Variants in SNX29 observed in about 807,000 individuals in gnomAD.
SNX29 encodes the protein sorting nexin 29.
Under a neutral mutation model 102.1 loss-of-function variants are expected in SNX29, and 78 were observed. The ratio of observed to expected loss-of-function variants is 0.76; its 90% confidence interval spans 0.64 to 0.92. The LOEUF is 0.92. Among genes scored for constraint, SNX29 ranks in the 40% least tolerant of loss-of-function variants. The pLI is 0.00. For synonymous variants in SNX29, 580 were observed against 414.5 expected (o/e 1.40, Z -4.85); for missense variants, 1,280 against 1,061.7 (o/e 1.21, Z -2.86).
In SNX29 at chr16:12,569,122, CGGGGGGGGGG is replaced by C. The variant is rs869133814; in HGVS notation, c.*505_*514del. 362 of 6,138 alleles carry C rather than the reference CGGGGGGGGGG, an allele frequency of 0.059. 9 individuals are homozygous for C. The highest frequency in any genetic ancestry group is 0.26 in the African/African-American group (344 of 1,342). 0.4% of individuals were successfully genotyped at this position (6,138 alleles called of 1,614,324 possible). A position where few individuals can be genotyped will look rare whatever the true frequency, so the allele number is the denominator to read the frequency against. On this transcript the variant is annotated 3_prime_UTR_variant, in exon 21 of 21. Transcript: ENST00000566228. ...CCTAACCTAGGGATGGCTGGCTTTG[CGGGGGGGGGG>C]GGGGGGGGGGGCATGGTTCCTTTCA...
chr16:12,046,289 C>G, intron 5 of SNX29, 95 bp from the exon 6 acceptor site: 1 of 1,223,638 alleles, frequency 8.2e-7, no homozygotes. Context: ...TGACCAGGTG[C>G]AGATCTTCCA....
At position 12,048,553 on chromosome 16, in the gene SNX29, C is replaced by T. The variant is rs752990324; in HGVS notation, c.681C>T (p.Val227=). The T allele has an allele frequency of 6.2e-7, 1 of 1,613,984 alleles. No individual in the cohort carries two copies. The highest frequency in any genetic ancestry group is 1.1e-5 in the South Asian group (1 of 91,080). Residue 227 remains valine, a synonymous_variant, in exon 7 of 21, where the codon GTC becomes GTT. Transcript: ENST00000566228. Reference sequence around the variant, plus strand: ...GGGAGATCACAGCCTCCTCTGCCGTCTCCATCCTCATCAAACCTGAACAGG... The same window carrying T: ...GGGAGATCACAGCCTCCTCTGCCGTTTCCATCCTCATCAAACCTGAACAGG... The part of the protein sequence containing the change: ...LFREITASSA[V]SILIKPEQET...
At chr16:12,230,597 C>T (rs746100569) in intron 14 of SNX29, among the ~76,000 whole-genome samples, 2 of 152,142 alleles carry the variant, frequency 1.3e-5, no homozygotes, top group African/African-American at 2.4e-5. Flanking sequence ...AACAAAGCTG[C>T]AAGTGGACAA....
intron 20 of SNX29, among the ~76,000 whole-genome samples, chr16:12,536,955 G>C (rs141583067): frequency 4.6e-5 from 7 of 152,024 alleles, no homozygotes; most frequent in South Asian, 2.1e-4. Flanking sequence ...CAGCCTAGGC[G>C]ACAGAGTGAG....
chr16:12,507,913 T>C (rs1169000920), intron 19 of SNX29, among the ~76,000 whole-genome samples: 1 of 152,150 alleles, frequency 6.6e-6, no homozygotes, highest in Non-Finnish European at 1.5e-5. Context: ...TCAAGGGCTT[T>C]TAATTGAATG....
At chr16:12,248,686 A>AT (rs1334678501) in intron 14 of SNX29, among the ~76,000 whole-genome samples, 3 of 151,858 alleles carry the variant, frequency 2.0e-5, no homozygotes, top group Admixed American at 6.6e-5. Flanking sequence ...AAGTGCTGGG[A>AT]TTACAGGCAT....
At chr16:12,048,736 C>T (rs950634692) in intron 7 of SNX29, 116 bp downstream of exon 7, 17 of 1,540,606 alleles carry the variant, frequency 1.1e-5, no homozygotes, top group Admixed American at 5.1e-5. Flanking sequence ...AGTGCACTTG[C>T]GTTTTCCATT....
At chr16:12,009,972 G>C (rs1324914066) in intron 3 of SNX29, among the ~76,000 whole-genome samples, 1 of 152,264 alleles carries the variant, frequency 6.6e-6, no homozygotes, top group Admixed American at 6.5e-5. Context: ...AACGGGGGCA[G>C]TGGAATCAGC....
chr16:12,376,489 A>G (rs569343920), intron 16 of SNX29, among the ~76,000 whole-genome samples: 47 of 152,068 alleles, frequency 3.1e-4, no homozygotes, highest in Admixed American at 3.3e-4. Context: ...TAATCTCAAC[A>G]CTTTGGGAGG....
chr16:12,378,147 C>T (rs866412670), intron 16 of SNX29, among the ~76,000 whole-genome samples: 1 of 152,162 alleles, frequency 6.6e-6, no homozygotes, highest in African/African-American at 2.4e-5. Context: ...GAATGCCTGA[C>T]ACTGGGTAAT....
At chr16:12,476,187 TG>T (rs2087584784) in intron 18 of SNX29, among the ~76,000 whole-genome samples, 1 of 148,654 alleles carries the variant, frequency 6.7e-6, no homozygotes, top group South Asian at 2.2e-4. Context: ...CCAGGTGTGG[TG>T]GTGGGCATCT....
chr16:12,009,455 A>T (rs1016265384), intron 3 of SNX29, among the ~76,000 whole-genome samples: 3 of 116,066 alleles, frequency 2.6e-5, no homozygotes, highest in Non-Finnish European at 5.7e-5. Flanking sequence ...GTGTGTGTGT[A>T]TATATGTGTG....
intron 19 of SNX29, among the ~76,000 whole-genome samples, chr16:12,492,433 C>G (rs1481498485): frequency 2.6e-5 from 4 of 152,102 alleles, no homozygotes; most frequent in Non-Finnish European, 4.4e-5. Context: ...GATATTAGCC[C>G]TTTGTCAGAT....
In SNX29 at chr16:12,092,385, C is replaced by G. The variant is rs114299043; in HGVS notation, c.1402+13470C>G. 7.5e-3 allele frequency among the ~76,000 whole-genome samples: 1,149 copies of G among 152,202 alleles called. 10 individuals carry two copies. Among genetic ancestry groups the G allele is most frequent in the African/African-American group, 0.027 (1,100 of 41,508 alleles). On this transcript the variant is annotated intron_variant, in intron 11 of 20. Transcript: ENST00000566228. ...GCATTCTGCAGGAATGAATTGAAAC[C>G]GAGTTCCCAGAGGGCGGGCTCCAGT... is the stretch of plus-strand genomic sequence containing the variant.
rs963096658 is a variant in SNX29 at position 12,053,973 on chromosome 16, G to GT, written c.1124+1763dup. ...TCCAAAGCTTATATTGTCAGTTTTTGTTTTTTTTTTTTGAGACAGAGTCTT... is the reference window on the plus strand; with the variant it reads ...TCCAAAGCTTATATTGTCAGTTTTTGTTTTTTTTTTTTTGAGACAGAGTCTT... On this transcript the variant is annotated intron_variant, in intron 8 of 20. Coordinates refer to ENST00000566228, the MANE Select transcript of SNX29 (RefSeq NM_032167.5). Among the ~76,000 whole-genome samples the GT allele has an allele frequency of 2.8e-3, 408 of 145,050 alleles. 2 individuals carry two copies. The highest frequency in any genetic ancestry group is 7.5e-3 in the African/African-American group (293 of 38,880).
intron 13 of SNX29, among the ~76,000 whole-genome samples, chr16:12,156,605 A>G (rs762784074): frequency 5.3e-5 from 8 of 152,202 alleles, no homozygotes; most frequent in Non-Finnish European, 8.8e-5. Context: ...GTGTGCAGGA[A>G]GGTTTCCCTG....
In SNX29 at chr16:12,155,056, AC is replaced by A. The variant is rs200599038; in HGVS notation, c.1595+25304del. 1.5e-3 allele frequency among the ~76,000 whole-genome samples: 223 copies of A among 151,684 alleles called. 7 individuals carry two copies. The East Asian group carries it at 0.036, about 25-fold the overall frequency. ...GGCTTGGCTTCTCATTCTGCCTCCC[AC>A]CCCCCTTGCCCTTCTGCCAGTGGCT... is the stretch of plus-strand genomic sequence containing the variant. On this transcript the variant is annotated intron_variant, in intron 13 of 20. Coordinates refer to ENST00000566228, the MANE Select transcript of SNX29 (RefSeq NM_032167.5).
rs36013478 is a variant in SNX29 at position 12,048,613 on chromosome 16, C to G, written c.741C>G (p.Val247=). Reference sequence around the variant, plus strand: ...CCTTGCCTGTCGTGTCCAGGAATGTCAGTGCTGGTGAGTGGGAACGGGTGC... The same window carrying G: ...CCTTGCCTGTCGTGTCCAGGAATGTGAGTGCTGGTGAGTGGGAACGGGTGC... ...TDPLPVVSRN[V]SADAKCKKER... is the part of the protein sequence containing the mutation. Residue 247 remains valine, a synonymous_variant, in exon 7 of 21, where the codon GTC becomes GTG. Transcript: ENST00000566228. The G allele has an allele frequency of 6.2e-7, 1 of 1,613,860 alleles. No individual in the cohort carries two copies. The highest frequency in any genetic ancestry group is 2.2e-5 in the East Asian group (1 of 44,872).
intron 13 of SNX29, among the ~76,000 whole-genome samples, chr16:12,158,870 C>A (rs1038683747): frequency 6.6e-6 from 1 of 152,190 alleles, no homozygotes; most frequent in Non-Finnish European, 1.5e-5. Context: ...TGACTTCTGT[C>A]CCACTTTCTC....
Sources: allele counts gnomAD v4.1 joint callset (sites outside exome capture counted in the v4.1 genomes callset), GRCh38; gene constraint gnomAD v4.1.1; transcripts MANE v1.5; gene names NCBI Gene and HGNC (gene_info 2026-07-23, HGNC 2026-07-21).